CELF2: variants seen among roughly 807,000 people sequenced by gnomAD.
The protein encoded by CELF2 is CUG triplet repeat RNA-binding protein 2.
A neutral mutation model predicts 62.6 loss-of-function variants in CELF2; 8 were observed. That is an observed-to-expected ratio of 0.13 (90% CI 0.07 to 0.23). The LOEUF (loss-of-function observed/expected upper bound fraction) is 0.23. CELF2 is among the 10% of genes least tolerant of loss of function. The probability of loss-of-function intolerance (pLI) is 1.00; values close to 1 mark genes in which losing one functional copy is unlikely to be tolerated. For synonymous variants in CELF2, 258 were observed against 250.0 expected (o/e 1.03, Z -0.30); for missense variants, 333 against 671.0 (o/e 0.50, Z 5.56).
chr10:11,318,391 C>G lies in CELF2; in HGVS notation c.1097-2798C>G, dbSNP rs148317395. 3.8e-6 allele frequency: 1 copy of G among 262,302 alleles called. No individual in the cohort carries two copies. The highest frequency in any genetic ancestry group is 2.3e-5 in the African/African-American group (1 of 44,104). The allele number at this position is 262,302 out of a possible 1,614,324, so 16.2% of individuals were successfully genotyped here. On this transcript the variant is annotated intron_variant, in intron 10 of 12. Transcript: ENST00000633077. The surrounding 1 kb of genome is among the most constrained non-coding windows in gnomAD (Gnocchi z 5.4). ...TCCCCGTGTCCCCTGACTGGTCCCC[C>G]TTGAGCATCTGCATCCCTTGCTCAT... is the stretch of plus-strand genomic sequence containing the variant.
At chr10:11,281,217 A>AAG (rs369253239) in intron 8 of CELF2, among the ~76,000 whole-genome samples, 7,750 of 152,138 alleles carry the variant, frequency 0.051, 275 homozygotes, top group Middle Eastern at 0.082. Context: ...AGCTGTCACC[A>AAG]AACACATTTT....
At chr10:10,502,608 T>A in the CELF2 span, among the ~76,000 whole-genome samples, 1 of 152,034 alleles carries the variant, frequency 6.6e-6, no homozygotes, top group South Asian at 2.1e-4. Flanking sequence ...CTGCATGGTC[T>A]GTAATAACAT....
the CELF2 span, among the ~76,000 whole-genome samples, chr10:10,598,492 G>A: frequency 6.9e-3 from 1,044 of 152,332 alleles, 5 homozygotes; most frequent in South Asian, 0.035. Flanking sequence ...GCAACGGAGC[G>A]TGGCAAAGTG....
rs1307887152 is a variant in CELF2, at chr10:11,300,978, A to G, written c.976+12426A>G. Among the ~76,000 whole-genome samples, 1 of 152,178 alleles carries G rather than the reference A, an allele frequency of 6.6e-6. No homozygotes were observed. Among genetic ancestry groups the G allele is most frequent in the Non-Finnish European group, 1.5e-5 (1 of 68,042 alleles). On this transcript the variant is annotated intron_variant, in intron 9 of 12. Coordinates refer to ENST00000633077, the MANE Select transcript of CELF2 (RefSeq NM_001326342.2). This position sits in a 1 kb window ranked among gnomAD's most constrained non-coding sequence, Gnocchi z 5.5. ...TTTTGTTGCAGCTTTAAAAAAAAGT[A>G]TTTTGCTATCCAGGAAGAGTGGGGA...
chr10:11,278,002 T>C (rs910511055), intron 8 of CELF2, among the ~76,000 whole-genome samples: 1 of 152,258 alleles, frequency 6.6e-6, no homozygotes, highest in African/African-American at 2.4e-5. Flanking sequence ...AATAATATTT[T>C]GTTGTGAACA....
At chr10:10,815,691 A>AT (rs1185815733) in intron 1 of CELF2, among the ~76,000 whole-genome samples, 10 of 151,534 alleles carry the variant, frequency 6.6e-5, no homozygotes, top group Middle Eastern at 6.8e-3. Context: ...TCTCTAGTTA[A>AT]TTTTTTTTTG....
At chr10:10,634,613 C>T in the CELF2 span, among the ~76,000 whole-genome samples, 73 of 151,904 alleles carry the variant, frequency 4.8e-4, no homozygotes, top group African/African-American at 1.6e-3. Context: ...TAATGCTAAA[C>T]ATCCCCAAAT....
At chr10:11,232,979 A>G (rs2069394600) in intron 3 of CELF2, among the ~76,000 whole-genome samples, 1 of 152,140 alleles carries the variant, frequency 6.6e-6, no homozygotes, top group South Asian at 2.1e-4. Context: ...GTTCATAGGC[A>G]TTTTATCTTG....
At chr10:11,121,655 A>G (rs1039291024) in intron 1 of CELF2, among the ~76,000 whole-genome samples, 4 of 152,186 alleles carry the variant, frequency 2.6e-5, no homozygotes, top group Non-Finnish European at 5.9e-5. Context: ...TATTCTGGTT[A>G]GTGCAATGAA....
rs2047506956 is a variant in CELF2, at chr10:11,088,762, G to A, written c.74+70599G>A. ...GGGTCAGGAGTTTGGACAGGGCACA[G>A]AGATGGTGGATGGCTTGTCTCTGTC... On this transcript the variant is annotated intron_variant, in intron 1 of 12. Coordinates refer to ENST00000633077, the MANE Select transcript of CELF2 (RefSeq NM_001326342.2). Among the ~76,000 whole-genome samples, 2 of 152,218 alleles carry A rather than the reference G, an allele frequency of 1.3e-5. 1 individual carries two copies. Among genetic ancestry groups the A allele is most frequent in the South Asian group, 4.1e-4 (2 of 4,828 alleles).
rs2096042045 is a variant in CELF2, at chr10:11,332,315, C to T, written c.*3262C>T. The T allele has an allele frequency of 6.6e-6, 1 of 152,192 alleles. No individual in the cohort carries two copies. Among genetic ancestry groups the T allele is most frequent in the Admixed American group, 6.5e-5 (1 of 15,272 alleles). 9.4% of individuals were successfully genotyped at this position (152,192 alleles called of 1,614,324 possible). ...GGGTTTTGTTTCTGTTTCCTAAATA[C>T]TCCTAAATAATATTTCTAATCAGCC... On this transcript the variant is annotated 3_prime_UTR_variant, in exon 13 of 13. Coordinates refer to ENST00000633077, the MANE Select transcript of CELF2 (RefSeq NM_001326342.2).
rs538711479 is a variant in CELF2, at chr10:11,165,268, C to T, written c.75-218C>T. The T allele has an allele frequency of 4.6e-5, 63 of 1,383,790 alleles. No individual in the cohort carries two copies. Among genetic ancestry groups the T allele is most frequent in the African/African-American group, 4.4e-4 (30 of 68,204 alleles). 85.7% of individuals were successfully genotyped at this position (1,383,790 alleles called of 1,614,324 possible). On this transcript the variant is annotated intron_variant, in intron 1 of 12. Transcript: ENST00000633077. The surrounding 1 kb of genome is among the most constrained non-coding windows in gnomAD (Gnocchi z 7.4). ...TGCCCCGTGCTCCCCCGGCTCTGCTCGACAGCAGCACGCAGTGAGAGCCTC... is the reference window on the plus strand; with the variant it reads ...TGCCCCGTGCTCCCCCGGCTCTGCTTGACAGCAGCACGCAGTGAGAGCCTC...
chr10:10,477,648 G>A, the CELF2 span, among the ~76,000 whole-genome samples: 19 of 151,900 alleles, frequency 1.3e-4, no homozygotes, highest in African/African-American at 4.1e-4. Flanking sequence ...TTAAGAGCTC[G>A]ACAGACTGTT....
chr10:10,867,010 C>A (rs944378347), intron 1 of CELF2, among the ~76,000 whole-genome samples: 7 of 151,352 alleles, frequency 4.6e-5, no homozygotes, highest in Non-Finnish European at 8.8e-5. Flanking sequence ...GTAAATATAT[C>A]TACATTGATA....
At chr10:10,954,188 A>G (rs1461958795) in intron 2 of CELF2, among the ~76,000 whole-genome samples, 1 of 149,930 alleles carries the variant, frequency 6.7e-6, no homozygotes. Flanking sequence ...TACAAAATCT[A>G]TAGAGGGCAA....
rs1286320419 is a variant in CELF2, at chr10:11,110,769, C to T, written c.75-54717C>T. Among the ~76,000 whole-genome samples, 2 of 152,110 alleles carry T rather than the reference C, an allele frequency of 1.3e-5. No individual in the cohort carries two copies. The highest frequency in any genetic ancestry group is 4.8e-5 in the African/African-American group (2 of 41,412). On this transcript the variant is annotated intron_variant, in intron 1 of 12. Transcript: ENST00000633077. The surrounding 1 kb of genome is among the most constrained non-coding windows in gnomAD (Gnocchi z 4.0). The stretch of plus-strand genomic sequence containing the variant: ...AGAGTACAGTGTGCCCACGGGAGGC[C>T]TCATCCGGGGGCAGTTTCTGCTTGT...
chr10:10,646,169 G>T, the CELF2 span, among the ~76,000 whole-genome samples: 2 of 152,134 alleles, frequency 1.3e-5, no homozygotes, highest in Non-Finnish European at 2.9e-5. Flanking sequence ...TCATCTAAGT[G>T]CTCTGAGCAC....
the CELF2 span, among the ~76,000 whole-genome samples, chr10:10,605,045 G>A: frequency 2.0e-5 from 3 of 152,120 alleles, no homozygotes; most frequent in Non-Finnish European, 4.4e-5. Flanking sequence ...CGATAGACTG[G>A]ATAAAGAAAA....
chr10:10,863,636 A>C (rs1386541827), intron 1 of CELF2, among the ~76,000 whole-genome samples: 5 of 152,152 alleles, frequency 3.3e-5, no homozygotes, highest in Non-Finnish European at 7.4e-5. Flanking sequence ...CAAAAACCAC[A>C]ATTACTTTTG....
Sources: allele counts gnomAD v4.1 joint callset (sites outside exome capture counted in the v4.1 genomes callset), GRCh38; gene constraint gnomAD v4.1.1; non-coding constraint Gnocchi (gnomAD v3.1); transcripts MANE v1.5; gene names NCBI Gene and HGNC (gene_info 2026-07-23, HGNC 2026-07-21).